The following NAV3 variants were observed in gnomAD, a reference collection of about 807,000 sequenced individuals.
NAV3 encodes pore membrane and/or filament interacting like protein 1.
In NAV3, 87 loss-of-function variants were observed where a neutral mutation model predicts 244.7. The observed-to-expected ratio is 0.36, with a 90% CI of 0.30 to 0.42. The LOEUF (loss-of-function observed/expected upper bound fraction) is 0.42. Ranked by LOEUF, NAV3 falls within the 20% of genes least tolerant of loss-of-function variation. NAV3 has a pLI of 1.00. For missense variants in NAV3, 2,663 were observed against 2,893.3 expected (o/e 0.92, Z 1.83); for synonymous variants, 1,126 against 1,042.2 (o/e 1.08, Z -1.55).
Position 78,137,290 on chromosome 12 carries a change from G to A in NAV3, c.4555G>A (p.Gly1519Arg). The A allele has an allele frequency of 6.2e-7, 1 of 1,613,638 alleles. No individual in the cohort carries two copies. The highest frequency in any genetic ancestry group is 8.5e-7 in the Non-Finnish European group (1 of 1,179,758). The change falls in exon 19 of 40, where the codon GGG becomes AGG. Residue 1519 changes from glycine (G) to arginine (R), a missense_variant. By Grantham distance (125) the Gly-to-Arg change is moderately radical. Transcript: ENST00000397909. Reference protein sequence around the residue: ...FDLYDDSQLCGSATSLEERPR... With the variant: ...FDLYDDSQLCRSATSLEERPR... ...TCTCTATGATGACTCCCAGCTTTGT[G>A]GGAGTGCCACTTCTCTGGAGGAAAG... is the stretch of plus-strand genomic sequence containing the variant.
intron 1 of NAV3, among the ~76,000 whole-genome samples, chr12:77,843,694 TA>T (rs1876114729): frequency 6.6e-6 from 1 of 152,170 alleles, no homozygotes; most frequent in African/African-American, 2.4e-5. Context: ...GGTCTGGATG[TA>T]ATTGTTTTAT....
chr12:77,691,940 T>C (rs1875052666), intron 2 of NAV3, among the ~76,000 whole-genome samples: 1 of 151,936 alleles, frequency 6.6e-6, no homozygotes, highest in Non-Finnish European at 1.5e-5. Flanking sequence ...ATATTCCTCT[T>C]TATTAAAAGG....
chr12:77,760,625 C>A (rs1869413439), intron 2 of NAV3, among the ~76,000 whole-genome samples: 1 of 152,128 alleles, frequency 6.6e-6, no homozygotes, highest in Non-Finnish European at 1.5e-5. Flanking sequence ...GGATGAAATT[C>A]TTGGTATAAA....
intron 12 of NAV3, among the ~76,000 whole-genome samples, chr12:78,080,166 A>T (rs1330164613): frequency 6.6e-6 from 1 of 152,148 alleles, no homozygotes; most frequent in Non-Finnish European, 1.5e-5. Flanking sequence ...ACTGTTTCTA[A>T]CTTAGAAGTT....
In NAV3 at chr12:78,188,766, T is replaced by C. The variant is rs2139856719; in HGVS notation, c.6044T>C (p.Val2015Ala). The C allele has an allele frequency of 6.2e-7, 1 of 1,611,376 alleles. No individual in the cohort carries two copies. The highest frequency in any genetic ancestry group is 8.5e-7 in the Non-Finnish European group (1 of 1,178,388). Residue 2015 changes from valine (V) to alanine (A), a missense_variant, in exon 33 of 40, where the codon GTG becomes GCG. Val to Ala is a moderately conservative substitution (Grantham distance 64). This residue lies in a region of NAV3 where 543 missense variants were observed against 672.4 expected (regional missense o/e 0.81). Transcript: ENST00000397909. The part of the protein sequence containing the change: ...YLVGDNNIIT[V>A]NLKGVEENSL... ...GTTGGAGATAATAACATCATCACTG[T>C]GAACCTCAAAGGTAAAAGCAATAAT...
chr12:77,644,729 C>T (rs2136964689), intron 2 of NAV3, among the ~76,000 whole-genome samples: 1 of 152,162 alleles, frequency 6.6e-6, no homozygotes, highest in African/African-American at 2.4e-5. Flanking sequence ...CTATGGTAAT[C>T]ATTGTTTAAA....
intron 37 of NAV3, 72 bp downstream of exon 37, chr12:78,199,603 G>T: frequency 8.9e-7 from 1 of 1,129,306 alleles, no homozygotes; most frequent in Non-Finnish European, 1.2e-6. Flanking sequence ...CAGATTGGAT[G>T]GTAGAAAATA....
At chr12:77,879,466 G>C (rs527650270) in intron 1 of NAV3, among the ~76,000 whole-genome samples, 10 of 152,030 alleles carry the variant, frequency 6.6e-5, no homozygotes, top group African/African-American at 2.4e-4. Flanking sequence ...GCAGGAGTTC[G>C]AGACCAGCCT....
intron 2 of NAV3, among the ~76,000 whole-genome samples, chr12:77,784,520 A>G (rs911625289): frequency 1.3e-5 from 2 of 152,206 alleles, no homozygotes; most frequent in Admixed American, 1.3e-4. Context: ...GAGATATTTT[A>G]GAAGTCTGTT....
intron 1 of NAV3, among the ~76,000 whole-genome samples, chr12:77,844,979 A>T (rs1380125807): frequency 6.6e-6 from 1 of 152,210 alleles, no homozygotes; most frequent in Non-Finnish European, 1.5e-5. Flanking sequence ...ATAGCATCAT[A>T]ATAACGTTAA....
At chr12:77,980,229 G>A (rs1167833035) in intron 5 of NAV3, among the ~76,000 whole-genome samples, 1 of 152,114 alleles carries the variant, frequency 6.6e-6, no homozygotes, top group Admixed American at 6.6e-5. Context: ...TAAGACTGGA[G>A]GGGTCAATTT....
At chr12:78,048,088 T>G (rs1254759190) in intron 9 of NAV3, among the ~76,000 whole-genome samples, 2 of 152,216 alleles carry the variant, frequency 1.3e-5, no homozygotes, top group African/African-American at 4.8e-5. Context: ...TCCACTAAAC[T>G]GGTTATTCTA....
chr12:78,136,132 CA>C (rs1956362918), intron 18 of NAV3, among the ~76,000 whole-genome samples: 4 of 152,140 alleles, frequency 2.6e-5, no homozygotes, highest in Admixed American at 2.0e-4. Context: ...GCCTGTGTCA[CA>C]GAAAAAATCT....
chr12:78,070,017 T>G (rs1376706178), intron 12 of NAV3, among the ~76,000 whole-genome samples: 1 of 152,098 alleles, frequency 6.6e-6, no homozygotes, highest in Non-Finnish European at 1.5e-5. Flanking sequence ...AAACTATGCT[T>G]CTTTATGAAA....
intron 2 of NAV3, among the ~76,000 whole-genome samples, chr12:77,721,798 G>A (rs987029147): frequency 2.0e-5 from 3 of 152,064 alleles, no homozygotes; most frequent in African/African-American, 4.8e-5. Context: ...AGAGCAGTTC[G>A]TGGCCCTTAC....
chr12:77,998,322 C>A lies in NAV3; in HGVS notation c.741-15C>A. 6.5e-7 allele frequency: 1 copy of A among 1,541,712 alleles called. No homozygotes were observed. Among genetic ancestry groups the A allele is most frequent in the South Asian group, 1.2e-5 (1 of 80,016 alleles). ...AATGTACAATAATGATGTAATTTTT[C>A]TTATACTATTTCAGGCTTCCAGGGC... On this transcript the variant is annotated splice_polypyrimidine_tract_variant and intron_variant, in intron 6 of 39. Coordinates refer to ENST00000397909, the MANE Select transcript of NAV3 (RefSeq NM_001024383.2).
intron 11 of NAV3, chr12:78,056,041 ATTGATGGTC>A (rs1883452752): frequency 6.6e-6 from 1 of 152,214 alleles, no homozygotes; most frequent in South Asian, 2.1e-4. Flanking sequence ...TTAAATATGC[ATTGATGGTC>A]TACATGTCTT....
At chr12:78,136,400 T>C (rs561466236) in intron 18 of NAV3, among the ~76,000 whole-genome samples, 1 of 152,298 alleles carries the variant, frequency 6.6e-6, no homozygotes, top group East Asian at 1.9e-4. Context: ...AATCTTTCCT[T>C]AAATTGATGA....
intron 11 of NAV3, among the ~76,000 whole-genome samples, chr12:78,058,721 G>A (rs1350840681): frequency 6.6e-6 from 1 of 151,818 alleles, no homozygotes; most frequent in Non-Finnish European, 1.5e-5. Context: ...ATAACAAAAG[G>A]GAAAAATAGG....
Sources: gnomAD v4.1 joint callset for allele counts (sites outside exome capture counted in the v4.1 genomes callset) on GRCh38, gnomAD v4.1.1 for gene constraint, gnomAD v4.1.1 regional missense constraint, MANE v1.5 for transcripts, NCBI Gene and HGNC (gene_info 2026-07-23, HGNC 2026-07-21) for gene names.